The following NR4A1 variants were observed in gnomAD, a reference collection of about 807,000 sequenced individuals.
NR4A1 encodes nuclear receptor subfamily 4 group A member 1, also known as nuclear receptor subfamily 4immunitygroup A member 1.
A neutral mutation model predicts 47.5 loss-of-function variants in NR4A1; 24 were observed. That is an observed-to-expected ratio of 0.50 (90% CI 0.37 to 0.71). NR4A1 has a LOEUF of 0.71. Among genes scored for constraint, NR4A1 ranks in the 30% least tolerant of loss-of-function variants. NR4A1 has a pLI of 0.00. For synonymous variants in NR4A1, 353 were observed against 345.7 expected (o/e 1.02, Z -0.24); for missense variants, 669 against 788.6 (o/e 0.85, Z 1.82).
chr12:52,048,651 T>A (rs1380749787), upstream of NR4A1, among the ~76,000 whole-genome samples: 1 of 152,002 alleles, frequency 6.6e-6, no homozygotes, highest in Non-Finnish European at 1.5e-5. Context: ...GAGGGAGACA[T>A]CCTGGGGCAA....
chr12:52,053,969 G>A (rs897562213), intron 1 of NR4A1: 2 of 237,338 alleles, frequency 8.4e-6, no homozygotes, highest in Non-Finnish European at 1.6e-5. Flanking sequence ...CCCCCACCAT[G>A]CCTTCCCCAT....
At chr12:52,027,330 G>T (rs1243789650) in intron 1 of NR4A1, among the ~76,000 whole-genome samples, 1 of 152,242 alleles carries the variant, frequency 6.6e-6, no homozygotes, top group African/African-American at 2.4e-5. Flanking sequence ...CAGCAGCTCG[G>T]GTTACCCAGC....
intron 1 of NR4A1, chr12:52,041,696 T>C (rs1938444899): frequency 1.7e-6 from 2 of 1,163,264 alleles, no homozygotes; most frequent in East Asian, 6.3e-5. Flanking sequence ...TGTCCCCCTC[T>C]TGTGGCCTAG....
upstream of NR4A1, among the ~76,000 whole-genome samples, chr12:52,047,378 A>G (rs1412956847): frequency 2.0e-5 from 3 of 152,232 alleles, no homozygotes; most frequent in Non-Finnish European, 4.4e-5. Flanking sequence ...AGGGCCCACA[A>G]GGCCTGGGAT....
intron 1 of NR4A1, among the ~76,000 whole-genome samples, chr12:52,032,926 T>G (rs1231103992): frequency 1.3e-5 from 2 of 152,170 alleles, no homozygotes; most frequent in Non-Finnish European, 2.9e-5. Flanking sequence ...GGGACCCCTC[T>G]TAACTCATTT....
Position 52,057,192 on chromosome 12 carries a change from C to G in NR4A1, c.1294C>G (p.Pro432Ala). Residue 432 changes from proline (P) to alanine (A), a missense_variant, in exon 5 of 7, where the codon CCG becomes GCG. Pro to Ala is a conservative substitution (Grantham distance 27). Transcript: ENST00000394825. ...EKIPGFAELS[P>A]ADQDLLLESA... ...GATCCCTGGCTTTGCTGAGCTGTCACCGGCTGACCAGGACCTGTTGCTGGA... is the reference window on the plus strand; with the variant it reads ...GATCCCTGGCTTTGCTGAGCTGTCAGCGGCTGACCAGGACCTGTTGCTGGA... The G allele has an allele frequency of 1.2e-6, 2 of 1,614,068 alleles. No individual in the cohort carries two copies. The highest frequency in any genetic ancestry group is 1.7e-6 in the Non-Finnish European group (2 of 1,179,940).
intron 2 of NR4A1, chr12:52,043,566 C>G: frequency 1.8e-6 from 1 of 564,696 alleles, no homozygotes; most frequent in East Asian, 7.3e-5. Context: ...CACGCTCATG[C>G]TGGGGCTCCC....
chr12:52,031,117 G>A (rs1938116742), intron 1 of NR4A1, among the ~76,000 whole-genome samples: 1 of 152,130 alleles, frequency 6.6e-6, no homozygotes, highest in Admixed American at 6.5e-5. Context: ...CTGGGCTCAA[G>A]TGATTCTCTC....
intron 1 of NR4A1, among the ~76,000 whole-genome samples, chr12:52,033,913 G>A (rs1006526417): frequency 6.6e-6 from 1 of 152,200 alleles, no homozygotes; most frequent in Non-Finnish European, 1.5e-5. Flanking sequence ...ATGCCCTAGG[G>A]AACCCCCTTG....
At position 52,057,268 on chromosome 12, in the gene NR4A1, C is replaced by T. The variant is rs2120527472; in HGVS notation, c.1361+9C>T. 6.2e-7 allele frequency: 1 copy of T among 1,613,378 alleles called. No individual in the cohort carries two copies. Among genetic ancestry groups the T allele is most frequent in the Non-Finnish European group, 8.5e-7 (1 of 1,179,702 alleles). ...CTCCGCCTGGCGTACAGGTGAGAGC[C>T]ACTGACTGTCTGCCCAGCCCCTTTC... On this transcript the variant is annotated intron_variant, in intron 5 of 6. Transcript: ENST00000394825.
At chr12:52,025,147 T>G (rs1467500460) in intron 1 of NR4A1, among the ~76,000 whole-genome samples, 2 of 150,514 alleles carry the variant, frequency 1.3e-5, no homozygotes, top group African/African-American at 4.9e-5. Flanking sequence ...GCACCCTCCG[T>G]CCCCCGGGTT....
chr12:52,056,680 C>T, intron 4 of NR4A1, 35 bp downstream of exon 4: 1 of 1,501,738 alleles, frequency 6.7e-7, no homozygotes, highest in Non-Finnish European at 8.9e-7. Flanking sequence ...TTGGGGAGGT[C>T]TATGAGCACA....
At chr12:52,043,985 C>G in intron 2 of NR4A1, 1 of 1,247,814 alleles carries the variant, frequency 8.0e-7, no homozygotes, top group Non-Finnish European at 1.0e-6. Context: ...GACTGTCATG[C>G]CAAACCCTTT....
chr12:52,035,004 C>T (rs1335927777), intron 1 of NR4A1, among the ~76,000 whole-genome samples: 1 of 152,080 alleles, frequency 6.6e-6, no homozygotes, highest in Non-Finnish European at 1.5e-5. Context: ...AAACTGAAGC[C>T]CAGAGAGGGC....
chr12:52,041,887 G>A (rs763928962), exon 2 of NR4A1: 18 of 1,529,710 alleles, frequency 1.2e-5, no homozygotes, highest in Middle Eastern at 1.7e-4. Context: ...GAAGGCAGAC[G>A]GGATAATGTG....
chr12:52,034,098 C>G (rs1938187705), intron 1 of NR4A1, among the ~76,000 whole-genome samples: 1 of 152,156 alleles, frequency 6.6e-6, no homozygotes. Context: ...ACTTCCCACC[C>G]TCAGGATCTC....
intron 1 of NR4A1, among the ~76,000 whole-genome samples, chr12:52,032,023 C>T (rs1036784702): frequency 3.3e-5 from 5 of 152,026 alleles, no homozygotes; most frequent in South Asian, 2.1e-4. Flanking sequence ...CTGGAACTCC[C>T]GGCCTCAAGT....
At chr12:52,057,640 C>G (rs1939346454) in intron 6 of NR4A1, 110 bp downstream of exon 6, 1 of 1,283,288 alleles carries the variant, frequency 7.8e-7, no homozygotes. Context: ...CTAGCACTTT[C>G]TGGGCCCCTG....
intron 1 of NR4A1, chr12:52,037,571 G>GT (rs1010501668): frequency 1.0e-6 from 1 of 983,748 alleles, no homozygotes; most frequent in African/African-American, 1.7e-5. Flanking sequence ...GGAGTCGGGG[G>GT]GGGGACTGGA....
Sources: allele counts gnomAD v4.1 joint callset (sites outside exome capture counted in the v4.1 genomes callset), GRCh38; gene constraint gnomAD v4.1.1; transcripts MANE v1.5; gene names NCBI Gene and HGNC (gene_info 2026-07-23, HGNC 2026-07-21).